The following SLC24A2 variants were observed in gnomAD, a reference collection of about 807,000 sequenced individuals.
SLC24A2 encodes the protein solute carrier family 24 member 2.
In SLC24A2, 36 loss-of-function variants were observed where a neutral mutation model predicts 62.0. The observed-to-expected ratio is 0.58, with a 90% CI of 0.44 to 0.77. The LOEUF is 0.77. Among genes scored for constraint, SLC24A2 ranks in the 30% least tolerant of loss-of-function variants. The pLI is 0.00. For missense variants in SLC24A2, 846 were observed against 817.9 expected (o/e 1.03, Z -0.42); for synonymous variants, 358 against 294.0 (o/e 1.22, Z -2.23).
chr9:19,826,553 C>G, the SLC24A2 span, among the ~76,000 whole-genome samples: 1 of 152,152 alleles, frequency 6.6e-6, no homozygotes, highest in African/African-American at 2.4e-5. Flanking sequence ...TGCTGGCACA[C>G]CTGGTGGCTG....
the SLC24A2 span, among the ~76,000 whole-genome samples, chr9:20,104,681 A>C: frequency 6.6e-6 from 1 of 152,196 alleles, no homozygotes; most frequent in African/African-American, 2.4e-5. Context: ...GCCTGCCCTA[A>C]AAGAGCTCCT....
intron 7 of SLC24A2, among the ~76,000 whole-genome samples, chr9:19,554,079 A>C (rs1834967570): frequency 6.6e-6 from 1 of 152,200 alleles, no homozygotes; most frequent in Non-Finnish European, 1.5e-5. Flanking sequence ...TGTGGGTCCT[A>C]ATCAAATCTA....
chr9:19,864,903 T>C, the SLC24A2 span, among the ~76,000 whole-genome samples: 2 of 152,104 alleles, frequency 1.3e-5, no homozygotes, highest in Non-Finnish European at 2.9e-5. Flanking sequence ...AAATTATCCT[T>C]GTTTGCAGAT....
the SLC24A2 span, among the ~76,000 whole-genome samples, chr9:20,037,177 CG>C: frequency 0.1 from 15,516 of 152,106 alleles, 792 homozygotes; most frequent in East Asian, 0.18. Context: ...GGATTACAGG[CG>C]TGAGCCGCTG....
the SLC24A2 span, among the ~76,000 whole-genome samples, chr9:20,094,475 A>G: frequency 1.8e-3 from 273 of 152,352 alleles, 3 homozygotes; most frequent in Non-Finnish European, 5.6e-4. Flanking sequence ...TTGGAAAACT[A>G]TTAACCACCA....
the SLC24A2 span, among the ~76,000 whole-genome samples, chr9:19,839,157 C>T: frequency 6.6e-6 from 1 of 152,126 alleles, no homozygotes; most frequent in African/African-American, 2.4e-5. Context: ...TCATCACTGG[C>T]CATCAGAGAA....
intron 2 of SLC24A2, among the ~76,000 whole-genome samples, chr9:19,671,028 A>G (rs1819397411): frequency 1.3e-5 from 1 of 75,814 alleles, no homozygotes; most frequent in African/African-American, 3.1e-5. Context: ...CTTTGTTTCA[A>G]AGAGCTTTCC....
chr9:19,889,728 G>C, the SLC24A2 span, among the ~76,000 whole-genome samples: 1 of 152,130 alleles, frequency 6.6e-6, no homozygotes. Flanking sequence ...CTTACTGTCA[G>C]TTTTACCATG....
chr9:19,539,108 A>G (rs1232416751), intron 8 of SLC24A2, among the ~76,000 whole-genome samples: 1 of 71,454 alleles, frequency 1.4e-5, no homozygotes, highest in African/African-American at 5.7e-5. Context: ...TTTCTTTATT[A>G]GTCTTGCTAG....
chr9:19,730,610 T>C (rs1444326590), intron 2 of SLC24A2, among the ~76,000 whole-genome samples: 2 of 152,236 alleles, frequency 1.3e-5, no homozygotes, highest in East Asian at 3.9e-4. Flanking sequence ...TTTAAAAAGC[T>C]AGTTGTAGAA....
At chr9:19,678,793 C>T (rs1564032262) in intron 2 of SLC24A2, among the ~76,000 whole-genome samples, 1 of 152,112 alleles carries the variant, frequency 6.6e-6, no homozygotes, top group Non-Finnish European at 1.5e-5. Flanking sequence ...ATCTGAGAGA[C>T]AATAATGGGT....
At chr9:19,649,790 G>A (rs1374333231) in intron 2 of SLC24A2, among the ~76,000 whole-genome samples, 1 of 152,222 alleles carries the variant, frequency 6.6e-6, no homozygotes, top group Non-Finnish European at 1.5e-5. Context: ...TGTCCAATTA[G>A]CACAGTTTGC....
chr9:19,634,740 T>C (rs992391888), intron 2 of SLC24A2, among the ~76,000 whole-genome samples: 1 of 152,204 alleles, frequency 6.6e-6, no homozygotes, highest in Non-Finnish European at 1.5e-5. Flanking sequence ...TTTATAGAAC[T>C]TTTTAGGGAA....
chr9:19,779,779 G>A (rs1822955501), intron 2 of SLC24A2, among the ~76,000 whole-genome samples: 1 of 152,228 alleles, frequency 6.6e-6, no homozygotes. Context: ...CATCAAGGTA[G>A]GCGGGCGCGG....
Position 19,750,750 on chromosome 9 carries a change from T to C in SLC24A2, c.930+35187A>G, listed in dbSNP as rs186206590. On this transcript the variant is annotated intron_variant, in intron 2 of 10. Coordinates refer to ENST00000341998, the MANE Select transcript of SLC24A2 (RefSeq NM_020344.4). ...ACAAAGGTCCTTCAAGGTCTGGCTT[T>C]GGTCTGTTTCCAGCTTCTCGACCAT... Among the ~76,000 whole-genome samples, 5 of 152,268 alleles carry C rather than the reference T, an allele frequency of 3.3e-5. No homozygotes were observed. In the East Asian group the frequency reaches 7.7e-4, roughly 24 times the overall value.
the SLC24A2 span, among the ~76,000 whole-genome samples, chr9:20,039,809 T>C: frequency 1.3e-5 from 2 of 152,112 alleles, no homozygotes; most frequent in Non-Finnish European, 2.9e-5. Context: ...GCTGGAACTG[T>C]AGGGAAGAGA....
the SLC24A2 span, among the ~76,000 whole-genome samples, chr9:20,180,025 T>C: frequency 6.6e-6 from 1 of 152,122 alleles, no homozygotes; most frequent in Non-Finnish European, 1.5e-5. Context: ...AGATGTCCCA[T>C]GAGGACATCA....
At chr9:19,803,839 A>T in the SLC24A2 span, among the ~76,000 whole-genome samples, 1 of 152,304 alleles carries the variant, frequency 6.6e-6, no homozygotes, top group South Asian at 2.1e-4. Flanking sequence ...AACTAAAAAG[A>T]ATTTGGAGCA....
the SLC24A2 span, among the ~76,000 whole-genome samples, chr9:19,874,672 T>C: frequency 1.3e-5 from 2 of 152,214 alleles, no homozygotes; most frequent in Non-Finnish European, 2.9e-5. Context: ...TATTTCTAGA[T>C]ACTTGAGTTC....
Sources: gnomAD v4.1 joint callset for allele counts (sites outside exome capture counted in the v4.1 genomes callset) on GRCh38, gnomAD v4.1.1 for gene constraint, MANE v1.5 for transcripts, NCBI Gene and HGNC (gene_info 2026-07-23, HGNC 2026-07-21) for gene names.